NOL11: variants seen among roughly 807,000 people sequenced by gnomAD.
NOL11 encodes nucleolar protein 11.
In NOL11, 42 loss-of-function variants were observed where a neutral mutation model predicts 93.0. The observed-to-expected ratio is 0.45, with a 90% confidence interval of 0.35 to 0.58. The LOEUF (loss-of-function observed/expected upper bound fraction) is 0.58, where lower values mean the gene tolerates loss of function less well. NOL11 is among the 20% of genes least tolerant of loss of function. NOL11 has a pLI of 0.00. For missense variants in NOL11, 775 were observed against 841.8 expected (o/e 0.92, Z 0.98); for synonymous variants, 296 against 293.7 (o/e 1.01, Z -0.08).
At chr17:67,718,687 G>T (rs1165407946) in intron 1 of NOL11, among the ~76,000 whole-genome samples, 1 of 152,204 alleles carries the variant, frequency 6.6e-6, no homozygotes, top group Admixed American at 6.5e-5. Context: ...AAGCCTGATA[G>T]AGAACACTTT....
chr17:67,718,049 T>G lies in NOL11; in HGVS notation c.102T>G (p.Phe34Leu). The G allele has an allele frequency of 1.9e-6, 3 of 1,614,184 alleles. No homozygotes were observed. The highest frequency in any genetic ancestry group is 1.7e-6 in the Non-Finnish European group (2 of 1,180,036). ...AGCAGAGCGACAAAACAGACCAGTTTCTAGTGACAGACAGCGGCAGGACAG... is the reference window on the plus strand; with the variant it reads ...AGCAGAGCGACAAAACAGACCAGTTGCTAGTGACAGACAGCGGCAGGACAG... ...GVEQSDKTDQ[F>L]LVTDSGRTVI... Residue 34 changes from phenylalanine (F) to leucine (L), a missense_variant, in exon 1 of 18, where the codon TTT becomes TTG. Coordinates refer to ENST00000253247, the MANE Select transcript of NOL11 (RefSeq NM_015462.5).
chr17:67,738,677 TTA>T, intron 14 of NOL11: 4 of 451,972 alleles, frequency 8.9e-6, no homozygotes, highest in South Asian at 3.9e-5. Context: ...TACATCAGAT[TTA>T]AAAAAAAAAA....
chr17:67,744,080 T>A lies in NOL11; in HGVS notation c.*221T>A, dbSNP rs1244804251. ...ACATTGGTGTGGAGAGGTTCTGCAA[T>A]TTTTTAAAAATATGTAACTGGGTTG... On this transcript the variant is annotated 3_prime_UTR_variant, in exon 18 of 18. Transcript: ENST00000253247. 1 of 270,416 alleles carries A rather than the reference T, an allele frequency of 3.7e-6. No homozygotes were observed. The highest frequency in any genetic ancestry group is 6.8e-6 in the Non-Finnish European group (1 of 146,020). The allele number at this position is 270,416 out of a possible 1,614,324, so 16.8% of individuals were successfully genotyped here.
chr17:67,736,736 A>T lies in NOL11; in HGVS notation c.1125A>T (p.Ser375=), dbSNP rs1301353992. ...PQGCGLGFQN[S]EQSRRILRRR... ...GATGTGGACTTGGGTTCCAGAACTC[A>T]GAGCAGTCAAGAAGAATTGTAAGTT... The change falls in exon 10 of 18, where the codon TCA becomes TCT. Residue 375 remains serine (S), a synonymous_variant. Coordinates refer to ENST00000253247, the MANE Select transcript of NOL11 (RefSeq NM_015462.5). 6.2e-7 allele frequency: 1 copy of T among 1,611,984 alleles called. No homozygotes were observed. The highest frequency in any genetic ancestry group is 8.5e-7 in the Non-Finnish European group (1 of 1,178,474).
intron 6 of NOL11, among the ~76,000 whole-genome samples, chr17:67,725,647 C>G (rs2055084625): frequency 6.6e-6 from 1 of 152,144 alleles, no homozygotes; most frequent in South Asian, 2.1e-4. Flanking sequence ...GCTTAATGAA[C>G]TTTGAAGTGA....
Position 67,736,684 on chromosome 17 carries a change from A to G in NOL11, c.1073A>G (p.His358Arg), listed in dbSNP as rs1325233526. 21 of 1,611,622 alleles carry G rather than the reference A, an allele frequency of 1.3e-5. No homozygotes were observed. Among genetic ancestry groups the G allele is most frequent in the Admixed American group, 3.3e-5 (2 of 59,716 alleles). ...SQDPGTHVVS[H>R]FVNWETPQGC... ...TTCTTAGGAACTCATGTCGTGTCCC[A>G]TTTTGTAAACTGGGAGACACCTCAA... Residue 358 changes from histidine (H) to arginine (R), a missense_variant, in exon 10 of 18, where the codon CAT becomes CGT. His to Arg is a conservative substitution (Grantham distance 29). Transcript: ENST00000253247.
At chr17:67,718,884 T>G (rs538624810) in intron 1 of NOL11, among the ~76,000 whole-genome samples, 1 of 152,362 alleles carries the variant, frequency 6.6e-6, no homozygotes, top group Non-Finnish European at 1.5e-5. Flanking sequence ...CAAGTAGATT[T>G]GCAGTTTTGC....
At chr17:67,742,618 A>G (rs944411521) in intron 16 of NOL11, among the ~76,000 whole-genome samples, 8 of 152,048 alleles carry the variant, frequency 5.3e-5, no homozygotes, top group South Asian at 2.1e-4. Flanking sequence ...TCCCTACTAC[A>G]TGGTTTTATT....
chr17:67,730,205 A>C (rs111386400), intron 7 of NOL11, among the ~76,000 whole-genome samples: 1 of 152,138 alleles, frequency 6.6e-6, no homozygotes, highest in Non-Finnish European at 1.5e-5. Flanking sequence ...GAATATCACT[A>C]TGAACATTCG....
chr17:67,737,315 C>T (rs754231251), intron 11 of NOL11, among the ~76,000 whole-genome samples, 170 bp downstream of exon 11: 5 of 152,146 alleles, frequency 3.3e-5, no homozygotes, highest in Admixed American at 6.5e-5. Context: ...CTTTGATGCT[C>T]GCTGTCACCT....
At chr17:67,725,740 AC>A (rs1182091827) in intron 6 of NOL11, among the ~76,000 whole-genome samples, 1 of 152,210 alleles carries the variant, frequency 6.6e-6, no homozygotes, top group Non-Finnish European at 1.5e-5. Flanking sequence ...CAGTTGGCCC[AC>A]AAGAAAGAGC....
intron 1 of NOL11, chr17:67,719,442 G>A: frequency 3.4e-6 from 1 of 291,278 alleles, no homozygotes; most frequent in Non-Finnish European, 6.5e-6. Flanking sequence ...TGTGTTTTTA[G>A]TAGAGACAGG....
intron 16 of NOL11, among the ~76,000 whole-genome samples, chr17:67,740,410 G>A (rs2055244568): frequency 6.6e-6 from 1 of 151,916 alleles, no homozygotes; most frequent in Non-Finnish European, 1.5e-5. Flanking sequence ...GGGAGTTCAA[G>A]ACCAGCCTGA....
At chr17:67,729,097 GTTGT>G (rs995059495) in intron 7 of NOL11, among the ~76,000 whole-genome samples, 6 of 52,214 alleles carry the variant, frequency 1.1e-4, no homozygotes, top group Non-Finnish European at 2.0e-4. Context: ...TTTTGTTGTT[GTTGT>G]TTTTTTTTTT....
chr17:67,723,992 T>G (rs1456753835), intron 5 of NOL11, 57 bp from the exon 6 acceptor site: 1 of 1,276,200 alleles, frequency 7.8e-7, no homozygotes, highest in Non-Finnish European at 1.1e-6. Flanking sequence ...TTTTAACATA[T>G]GTTAAAATAC....
At chr17:67,742,081 CA>C (rs1199814162) in intron 16 of NOL11, among the ~76,000 whole-genome samples, 1 of 152,176 alleles carries the variant, frequency 6.6e-6, no homozygotes, top group African/African-American at 2.4e-5. Flanking sequence ...CTGTTGAATA[CA>C]TTCCCACAAG....
rs781718093 is a variant in NOL11 at position 67,734,427 on chromosome 17, G to A, written c.918G>A (p.Gly306=). Reference sequence around the variant, plus strand: ...AGACTTCAAAAGAGTTACCACAAGGGACCAGTGGTCAAGTAAGTTTTTTCA... The same window carrying A: ...AGACTTCAAAAGAGTTACCACAAGGAACCAGTGGTCAAGTAAGTTTTTTCA... The part of the protein sequence containing the change: ...TLQTSKELPQ[G]TSGQLWYYGE... The change falls in exon 8 of 18, where the codon GGG becomes GGA. Residue 306 remains glycine, a synonymous_variant. Transcript: ENST00000253247. The A allele has an allele frequency of 8.1e-6, 13 of 1,600,676 alleles. No individual in the cohort carries two copies. Among genetic ancestry groups the A allele is most frequent in the South Asian group, 1.1e-5 (1 of 90,572 alleles).
Position 67,721,304 on chromosome 17 carries a change from G to A in NOL11, c.313-74G>A, listed in dbSNP as rs1273375672. 4.4e-6 allele frequency: 4 copies of A among 910,810 alleles called. No individual in the cohort carries two copies. In the African/African-American group the frequency reaches 6.8e-5, roughly 16 times the overall value. 56.4% of individuals were successfully genotyped at this position (910,810 alleles called of 1,614,324 possible). A position where few individuals can be genotyped will look rare whatever the true frequency, so the allele number is the denominator to read the frequency against. ...AAATAAAGCAGTCACTTAAAAAGAA[G>A]CCTTCTCTAAATATCCTTATATTAG... On this transcript the variant is annotated intron_variant, in intron 3 of 17. Transcript: ENST00000253247.
chr17:67,718,217 C>T (rs2043190686), intron 1 of NOL11, 129 bp downstream of exon 1: 1 of 1,282,902 alleles, frequency 7.8e-7, no homozygotes, highest in Non-Finnish European at 1.1e-6. Flanking sequence ...GCCGGCTGGG[C>T]CTGTTGGGGA....
Sources: gnomAD v4.1 joint callset for allele counts (sites outside exome capture counted in the v4.1 genomes callset) on GRCh38, gnomAD v4.1.1 for gene constraint, MANE v1.5 for transcripts, NCBI Gene and HGNC (gene_info 2026-07-23, HGNC 2026-07-21) for gene names.